The following YEATS2 variants were observed in gnomAD, a reference collection of about 807,000 sequenced individuals.
The protein encoded by YEATS2 is YEATS domain-containing protein 2.
Under a neutral mutation model 163.2 loss-of-function variants are expected in YEATS2, and 77 were observed. The observed-to-expected ratio is 0.47, with a 90% confidence interval of 0.39 to 0.57. The LOEUF is 0.57. Ranked by LOEUF, YEATS2 falls within the 20% of genes least tolerant of loss-of-function variation. YEATS2 has a pLI of 0.00. For synonymous variants in YEATS2, 631 were observed against 645.1 expected (o/e 0.98, Z 0.33); for missense variants, 1,549 against 1,729.8 (o/e 0.90, Z 1.85).
At chr3:183,803,046 A>G in intron 25 of YEATS2, 1 of 577,568 alleles carries the variant, frequency 1.7e-6, no homozygotes, top group East Asian at 2.9e-5. Flanking sequence ...CAAAGTGCCC[A>G]GGAAGGTGTG....
At chr3:183,774,412 C>T (rs1722767625) in intron 17 of YEATS2, among the ~76,000 whole-genome samples, 1 of 152,036 alleles carries the variant, frequency 6.6e-6, no homozygotes, top group South Asian at 2.1e-4. Context: ...CAATTTCTTC[C>T]CCAAACCACC....
At chr3:183,785,357 A>C (rs111811732) in intron 19 of YEATS2, among the ~76,000 whole-genome samples, 2,458 of 151,062 alleles carry the variant, frequency 0.016, 45 homozygotes, top group African/African-American at 0.057. Flanking sequence ...GCGTGGTGGC[A>C]CGTGCCTGTA....
intron 21 of YEATS2, among the ~76,000 whole-genome samples, chr3:183,796,439 A>G (rs915839461): frequency 2.0e-5 from 3 of 151,684 alleles, no homozygotes; most frequent in Non-Finnish European, 4.4e-5. Flanking sequence ...TATAGAAATC[A>G]CCTTTAAGAT....
At chr3:183,710,787 T>C (rs1715118355) in intron 1 of YEATS2, among the ~76,000 whole-genome samples, 2 of 152,208 alleles carry the variant, frequency 1.3e-5, no homozygotes, top group Non-Finnish European at 2.9e-5. Flanking sequence ...ACCGTTATTC[T>C]TGAGATTACT....
At chr3:183,751,959 A>C in intron 9 of YEATS2, 114 bp from the exon 10 acceptor site, 1 of 1,167,554 alleles carries the variant, frequency 8.6e-7, no homozygotes, top group Non-Finnish European at 1.2e-6. Flanking sequence ...TTGCCTTTGA[A>C]GTGTGATTAG....
chr3:183,719,568 T>C (rs895795846), intron 4 of YEATS2, among the ~76,000 whole-genome samples: 1 of 152,268 alleles, frequency 6.6e-6, no homozygotes, highest in South Asian at 2.1e-4. Context: ...TGGAGTAATT[T>C]ATAAATTGAT....
chr3:183,798,217 T>TGTGTACAGCCACCCTTCAGCTG (rs1560329714), intron 22 of YEATS2, among the ~76,000 whole-genome samples, 166 bp downstream of exon 22: 1 of 152,314 alleles, frequency 6.6e-6, no homozygotes, highest in African/African-American at 2.4e-5. Flanking sequence ...TCCCAGCGCC[T>TGTGTACAGCCACCCTTCAGCTG]TGAATGCTAG....
intron 9 of YEATS2, among the ~76,000 whole-genome samples, chr3:183,749,195 G>A (rs139676071): frequency 2.8e-3 from 433 of 151,996 alleles, no homozygotes; most frequent in Non-Finnish European, 3.4e-3. Context: ...CGCCCATCTC[G>A]GCCTCCCAAA....
intron 7 of YEATS2, among the ~76,000 whole-genome samples, chr3:183,731,448 A>T (rs1169340173): frequency 6.6e-6 from 1 of 152,336 alleles, no homozygotes; most frequent in South Asian, 2.1e-4. Flanking sequence ...AATTACATAA[A>T]ATACTTAAAA....
intron 20 of YEATS2, among the ~76,000 whole-genome samples, chr3:183,789,691 A>C (rs1159758196): frequency 7.3e-5 from 10 of 136,568 alleles, no homozygotes; most frequent in African/African-American, 2.7e-4. Flanking sequence ...ACCCACCACC[A>C]CGCCCAGCTA....
intron 2 of YEATS2, among the ~76,000 whole-genome samples, chr3:183,716,902 G>A (rs1715940123): frequency 6.7e-6 from 1 of 148,788 alleles, no homozygotes; most frequent in Non-Finnish European, 1.5e-5. Flanking sequence ...ATTTTGTTTT[G>A]TTTGTGTCTT....
At chr3:183,780,040 CAA>C (rs1723418051) in intron 19 of YEATS2, among the ~76,000 whole-genome samples, 2 of 147,170 alleles carry the variant, frequency 1.4e-5, no homozygotes, top group Admixed American at 6.9e-5. Context: ...CTTTCTGACT[CAA>C]GATCTAACAG....
chr3:183,791,039 T>C (rs1358765115), intron 21 of YEATS2, 59 bp downstream of exon 21: 1 of 1,573,610 alleles, frequency 6.4e-7, no homozygotes, highest in Non-Finnish European at 8.7e-7. Flanking sequence ...GGAATATTTT[T>C]GTTTGTTTGT....
chr3:183,714,314 A>G lies in YEATS2; in HGVS notation c.-19-830A>G, dbSNP rs1173949430. Among the ~76,000 whole-genome samples the G allele has an allele frequency of 6.0e-5, 9 of 150,576 alleles. No homozygotes were observed. In the East Asian group the frequency reaches 9.8e-4, roughly 16 times the overall value. On this transcript the variant is annotated intron_variant, in intron 1 of 30. Coordinates refer to ENST00000305135, the MANE Select transcript of YEATS2 (RefSeq NM_018023.5). ...GGGTTCACGCCATTTTCCTGCCTCA[A>G]TCTCCCGAGTAGCTGGGACTACAGG...
At chr3:183,784,643 T>C (rs1038932435) in intron 19 of YEATS2, among the ~76,000 whole-genome samples, 1 of 152,136 alleles carries the variant, frequency 6.6e-6, no homozygotes, top group African/African-American at 2.4e-5. Flanking sequence ...GCAATTGTTG[T>C]TGATGCTTCC....
At chr3:183,781,447 G>A (rs1221336442) in intron 19 of YEATS2, among the ~76,000 whole-genome samples, 3 of 152,140 alleles carry the variant, frequency 2.0e-5, no homozygotes, top group South Asian at 2.1e-4. Context: ...GTCTGCCCAC[G>A]TTGGCGAGGG....
rs778493589 is a variant in YEATS2, at chr3:183,790,910, C to G, written c.3027C>G (p.Thr1009=). 6.2e-7 allele frequency: 1 copy of G among 1,614,152 alleles called. No individual in the cohort carries two copies. Among genetic ancestry groups the G allele is most frequent in the Non-Finnish European group, 8.5e-7 (1 of 1,180,018 alleles). ...QATVGTCKAA[T]PTVVSATSLV... Reference sequence around the variant, plus strand: ...CCGTGGGAACCTGCAAGGCTGCCACCCCCACCGTCGTCAGCGCCACGTCCC... The same window carrying G: ...CCGTGGGAACCTGCAAGGCTGCCACGCCCACCGTCGTCAGCGCCACGTCCC... The change falls in exon 21 of 31, where the codon ACC becomes ACG. Residue 1009 remains threonine, a synonymous_variant. Transcript: ENST00000305135.
intron 15 of YEATS2, 120 bp from the exon 16 acceptor site, chr3:183,772,185 A>C (rs1420939791): frequency 2.1e-6 from 3 of 1,396,122 alleles, no homozygotes; most frequent in Non-Finnish European, 9.9e-7. Flanking sequence ...TAGCTTTCCT[A>C]GATGACTGAA....
chr3:183,704,363 A>T (rs1430119697), intron 1 of YEATS2, among the ~76,000 whole-genome samples: 1 of 152,092 alleles, frequency 6.6e-6, no homozygotes, highest in Non-Finnish European at 1.5e-5. Flanking sequence ...TTTGCAGTGA[A>T]AGCTTGTTTG....
Sources: gnomAD v4.1 joint callset for allele counts (sites outside exome capture counted in the v4.1 genomes callset) on GRCh38, gnomAD v4.1.1 for gene constraint, MANE v1.5 for transcripts, NCBI Gene and HGNC (gene_info 2026-07-23, HGNC 2026-07-21) for gene names.